KIAA1217: variants seen among roughly 807,000 people sequenced by gnomAD.
KIAA1217 encodes KIAA1217.
Under a neutral mutation model 163.9 loss-of-function variants are expected in KIAA1217, and 88 were observed. The observed-to-expected ratio is 0.54, with a 90% CI of 0.45 to 0.64. The LOEUF (loss-of-function observed/expected upper bound fraction) is 0.64. Ranked by LOEUF, KIAA1217 falls within the 30% of genes least tolerant of loss-of-function variation. The probability of loss-of-function intolerance (pLI) is 0.00; values close to 1 mark genes in which losing one functional copy is unlikely to be tolerated. For synonymous variants in KIAA1217, 903 were observed against 923.1 expected, an observed-to-expected ratio of 0.98 and a Z score of 0.39; for missense variants, 2,372 against 2,475.0, an observed-to-expected ratio of 0.96 and a Z score of 0.88.
chr10:24,482,777 TAGGAGGCTGAGGC>T (rs1169295589), intron 6 of KIAA1217: 1 of 152,178 alleles, frequency 6.6e-6, no homozygotes, highest in Non-Finnish European at 1.5e-5. Context: ...TCCAGCATGT[TAGGAGGCTGAGGC>T]AGGAGGGCCA....
chr10:24,298,393 C>T (rs2040873407), intron 2 of KIAA1217, among the ~76,000 whole-genome samples: 2 of 151,864 alleles, frequency 1.3e-5, no homozygotes, highest in Non-Finnish European at 2.9e-5. Flanking sequence ...TAAAAAGAGG[C>T]CTTGGGTCTG....
intron 1 of KIAA1217, among the ~76,000 whole-genome samples, chr10:23,953,951 A>G (rs967697371): frequency 2.6e-5 from 4 of 152,260 alleles, no homozygotes; most frequent in Non-Finnish European, 5.9e-5. Context: ...ACATCTTACA[A>G]TTTCTAGAGT....
chr10:24,375,802 C>A (rs778026852), intron 2 of KIAA1217, among the ~76,000 whole-genome samples: 3 of 152,128 alleles, frequency 2.0e-5, no homozygotes, highest in African/African-American at 7.2e-5. Flanking sequence ...CACAATAGAA[C>A]GTAATCTGAA....
chr10:23,968,192 A>T (rs920291612), intron 1 of KIAA1217, among the ~76,000 whole-genome samples: 1 of 152,176 alleles, frequency 6.6e-6, no homozygotes, highest in Non-Finnish European at 1.5e-5. Flanking sequence ...GTGCATATAT[A>T]AATCTAAGAA....
intron 6 of KIAA1217, among the ~76,000 whole-genome samples, chr10:24,484,353 T>C (rs1196882504): frequency 6.7e-6 from 1 of 148,272 alleles, no homozygotes; most frequent in African/African-American, 2.5e-5. Flanking sequence ...CAAACAATTC[T>C]CCTGCCTCAG....
At chr10:23,961,072 A>T (rs1003076356) in intron 1 of KIAA1217, among the ~76,000 whole-genome samples, 1 of 152,224 alleles carries the variant, frequency 6.6e-6, no homozygotes, top group Non-Finnish European at 1.5e-5. Context: ...AATTCCATAA[A>T]ACACTTTAAA....
chr10:24,033,580 T>C (rs10764446), intron 2 of KIAA1217, among the ~76,000 whole-genome samples: 34,760 of 152,154 alleles, frequency 0.23, 4,795 homozygotes, highest in Middle Eastern at 0.41. Context: ...GTCCAAATAG[T>C]AGAGTGAGAT....
rs114822377 is a variant in KIAA1217 at position 23,720,077 on chromosome 10, G to C, written c.-321+24843G>C. On this transcript the variant is annotated intron_variant, in intron 1 of 18. Coordinates refer to the KIAA1217 transcript ENST00000376462. ...TAGGTAGGGGATTTGAATTTAGTAT[G>C]ATGGAAATATTTTGCAACTAGATAG... Among the ~76,000 whole-genome samples the C allele has an allele frequency of 8.9e-3, 1,346 of 151,950 alleles. 18 individuals carry two copies. The highest frequency in any genetic ancestry group is 0.031 in the African/African-American group (1,281 of 41,430).
At chr10:23,723,964 T>C (rs557868925) in intron 1 of KIAA1217, among the ~76,000 whole-genome samples, 2 of 152,222 alleles carry the variant, frequency 1.3e-5, no homozygotes, top group South Asian at 4.1e-4. Context: ...AAGCTTCGAA[T>C]CATAGCGGAA....
chr10:23,978,026 C>T (rs1300368991), intron 1 of KIAA1217, among the ~76,000 whole-genome samples: 1 of 152,152 alleles, frequency 6.6e-6, no homozygotes, highest in African/African-American at 2.4e-5. Context: ...CACAGTACTC[C>T]CACTGAGTTT....
intron 5 of KIAA1217, among the ~76,000 whole-genome samples, chr10:24,470,740 A>G (rs2063423202): frequency 6.6e-6 from 1 of 152,178 alleles, no homozygotes; most frequent in Admixed American, 6.5e-5. Flanking sequence ...TGCCCAGGTC[A>G]TGTATTCAAA....
intron 14 of KIAA1217, among the ~76,000 whole-genome samples, chr10:24,530,800 G>C (rs1290432085): frequency 1.3e-5 from 2 of 152,140 alleles, no homozygotes; most frequent in Non-Finnish European, 2.9e-5. Flanking sequence ...CTGGGCTGGG[G>C]CAGGAAGATT....
rs1388587167 is a variant in KIAA1217, at chr10:23,807,666, C to T, written c.-321+112432C>T. Among the ~76,000 whole-genome samples, 3 of 152,156 alleles carry T rather than the reference C, an allele frequency of 2.0e-5. No individual in the cohort carries two copies. In the East Asian group the frequency reaches 5.8e-4, roughly 29 times the overall value. On this transcript the variant is annotated intron_variant, in intron 1 of 18. Transcript: ENST00000376462. ...TGAGTGAGCTGATGTGAAACAACTT[C>T]CCAGCCTTTCACTTCAGCACACAGC...
At chr10:24,038,261 G>T (rs536822226) in intron 2 of KIAA1217, among the ~76,000 whole-genome samples, 171 of 152,310 alleles carry the variant, frequency 1.1e-3, no homozygotes, top group Admixed American at 2.9e-3. Context: ...CCACTGAGTG[G>T]AGAGGAAAAA....
chr10:24,239,088 G>A, intron 2 of KIAA1217: 1 of 876,798 alleles, frequency 1.1e-6, no homozygotes, highest in Non-Finnish European at 1.4e-6. Flanking sequence ...TGTCATGCTT[G>A]AAAGAGCATG....
At chr10:23,741,275 A>C (rs961089483) in intron 1 of KIAA1217, among the ~76,000 whole-genome samples, 5 of 151,940 alleles carry the variant, frequency 3.3e-5, no homozygotes, top group Non-Finnish European at 5.9e-5. Flanking sequence ...GAGAGAATAC[A>C]CACTCTGACA....
chr10:23,914,915 A>AT (rs1842577060), intron 1 of KIAA1217, among the ~76,000 whole-genome samples: 1 of 152,078 alleles, frequency 6.6e-6, no homozygotes, highest in Non-Finnish European at 1.5e-5. Flanking sequence ...CTCAAGGGAG[A>AT]TTTTGGGTGA....
chr10:24,435,383 T>C (rs78934084), intron 4 of KIAA1217, among the ~76,000 whole-genome samples: 11,310 of 152,294 alleles, frequency 0.074, 610 homozygotes, highest in East Asian at 0.16. Flanking sequence ...TTAAAGACAA[T>C]GTTTGTAGTA....
chr10:23,905,520 G>C (rs1842123892), intron 1 of KIAA1217, among the ~76,000 whole-genome samples: 1 of 152,072 alleles, frequency 6.6e-6, no homozygotes, highest in Non-Finnish European at 1.5e-5. Context: ...TAAAGGAGGT[G>C]GGGAGGGAGG....
Sources: allele counts gnomAD v4.1 joint callset (sites outside exome capture counted in the v4.1 genomes callset), GRCh38; gene constraint gnomAD v4.1.1; transcripts MANE v1.5; gene names NCBI Gene and HGNC (gene_info 2026-07-23, HGNC 2026-07-21).